The following EFNA5 variants were observed in gnomAD, a reference collection of about 807,000 sequenced individuals.
EFNA5 encodes the protein ephrin-A5.
EFNA5 carries 5 observed loss-of-function variants against 22.9 expected under a neutral mutation model. The ratio of observed to expected loss-of-function variants is 0.22; its 90% CI spans 0.11 to 0.46. The LOEUF (loss-of-function observed/expected upper bound fraction) is 0.46. EFNA5 is among the 20% of genes least tolerant of loss of function. The pLI is 0.99. For synonymous variants in EFNA5, 113 were observed against 112.2 expected, an observed-to-expected ratio of 1.01 and a Z score of -0.04; for missense variants, 237 against 293.3, an observed-to-expected ratio of 0.81 and a Z score of 1.40.
At chr5:107,433,725 T>A in intron 1 of EFNA5, among the ~76,000 whole-genome samples, 1 of 151,938 alleles carries the variant, frequency 6.6e-6, no homozygotes, top group East Asian at 1.9e-4. Flanking sequence ...TGAGACTCCA[T>A]CTCTATAAAA....
At chr5:107,519,399 A>G (rs1302653724) in intron 1 of EFNA5, among the ~76,000 whole-genome samples, 1 of 152,262 alleles carries the variant, frequency 6.6e-6, no homozygotes, top group Non-Finnish European at 1.5e-5. Flanking sequence ...AGGCAAAGGA[A>G]TAAAAACAAT....
At chr5:107,390,049 A>G (rs1404185025) in intron 2 of EFNA5, among the ~76,000 whole-genome samples, 2 of 152,212 alleles carry the variant, frequency 1.3e-5, no homozygotes, top group African/African-American at 4.8e-5. Flanking sequence ...CTCGATCATC[A>G]CTGCATCACT....
intron 1 of EFNA5, among the ~76,000 whole-genome samples, chr5:107,502,712 C>A (rs1018962930): frequency 3.3e-5 from 5 of 152,154 alleles, no homozygotes; most frequent in African/African-American, 1.2e-4. Flanking sequence ...CCAGTAGAAG[C>A]ACTTGATAAA....
At chr5:107,384,904 G>A (rs1747571506) in intron 4 of EFNA5, among the ~76,000 whole-genome samples, 1 of 150,292 alleles carries the variant, frequency 6.7e-6, no homozygotes, top group African/African-American at 2.5e-5. Flanking sequence ...GTGAGGCACA[G>A]TGCCTCACAC....
At chr5:107,421,865 C>G (rs900933891) in intron 2 of EFNA5, among the ~76,000 whole-genome samples, 3 of 151,558 alleles carry the variant, frequency 2.0e-5, no homozygotes, top group African/African-American at 7.3e-5. Context: ...GATCCCAGCT[C>G]ACTGCAACCT....
intron 1 of EFNA5, among the ~76,000 whole-genome samples, chr5:107,438,952 T>C (rs140948802): frequency 6.6e-5 from 10 of 152,338 alleles, no homozygotes; most frequent in East Asian, 1.9e-4. Flanking sequence ...GGAGGAAGCA[T>C]AGAGCATCAG....
intron 1 of EFNA5, among the ~76,000 whole-genome samples, chr5:107,592,021 ATATATATTATATAT>A (rs1261583318): frequency 2.0e-5 from 1 of 50,654 alleles, no homozygotes; most frequent in South Asian, 3.6e-4. Flanking sequence ...ATATAATATA[ATATATATTATATAT>A]TATATATATT....
In EFNA5 at chr5:107,527,356, G is replaced by A. The variant is rs533132168; in HGVS notation, c.126-99847C>T. 3.1e-4 allele frequency among the ~76,000 whole-genome samples: 47 copies of A among 149,828 alleles called. 1 individual carries two copies. In the South Asian group the frequency reaches 8.8e-3, roughly 28 times the overall value. ...AGCTGGAATACAGTGGCGCAATCTC[G>A]GCTCACTGCAACATCTGCCTCCCAG... On this transcript the variant is annotated intron_variant, in intron 1 of 4. Transcript: ENST00000333274.
At chr5:107,479,184 G>A (rs1028243229) in intron 1 of EFNA5, among the ~76,000 whole-genome samples, 1 of 152,122 alleles carries the variant, frequency 6.6e-6, no homozygotes, top group Non-Finnish European at 1.5e-5. Flanking sequence ...ATGGGTATTC[G>A]TGTTTAAACA....
chr5:107,511,812 C>A (rs1187199068), intron 1 of EFNA5, among the ~76,000 whole-genome samples: 1 of 125,040 alleles, frequency 8.0e-6, no homozygotes, highest in Non-Finnish European at 1.7e-5. Flanking sequence ...TAAAAAAAAC[C>A]TGACTAATAA....
At chr5:107,544,458 C>G (rs1207386961) in intron 1 of EFNA5, among the ~76,000 whole-genome samples, 1 of 152,128 alleles carries the variant, frequency 6.6e-6, no homozygotes, top group African/African-American at 2.4e-5. Context: ...GCAAGGGCTT[C>G]TTACAGACCA....
At chr5:107,455,400 T>C (rs981696856) in intron 1 of EFNA5, among the ~76,000 whole-genome samples, 1 of 152,164 alleles carries the variant, frequency 6.6e-6, no homozygotes, top group Non-Finnish European at 1.5e-5. Flanking sequence ...CAACAGTCTA[T>C]TAGTGAGATA....
chr5:107,403,802 T>C (rs888885491), intron 2 of EFNA5, among the ~76,000 whole-genome samples: 4 of 152,190 alleles, frequency 2.6e-5, no homozygotes, highest in African/African-American at 9.7e-5. Flanking sequence ...ATAGAAGTCA[T>C]TTGCATCTGT....
chr5:107,453,897 A>C (rs1749623232), intron 1 of EFNA5, among the ~76,000 whole-genome samples: 1 of 152,110 alleles, frequency 6.6e-6, no homozygotes, highest in Admixed American at 6.6e-5. Flanking sequence ...TTAGAAGAAT[A>C]ATCAGCTCTC....
intron 1 of EFNA5, among the ~76,000 whole-genome samples, chr5:107,613,096 AT>A (rs1418854300): frequency 1.3e-5 from 2 of 152,022 alleles, no homozygotes; most frequent in African/African-American, 4.8e-5. Flanking sequence ...TTCTTTCGCA[AT>A]AAAAAAAAAA....
chr5:107,589,529 T>C (rs1749273315), intron 1 of EFNA5, among the ~76,000 whole-genome samples: 1 of 152,158 alleles, frequency 6.6e-6, no homozygotes, highest in African/African-American at 2.4e-5. Context: ...ATAGTTAGCA[T>C]TTAAAAACTG....
intron 1 of EFNA5, among the ~76,000 whole-genome samples, chr5:107,442,070 C>T (rs1749270071): frequency 6.6e-6 from 1 of 152,130 alleles, no homozygotes; most frequent in Non-Finnish European, 1.5e-5. Context: ...GTATTCTAGA[C>T]CAATAACCTG....
chr5:107,533,905 C>T (rs560070407), intron 1 of EFNA5, among the ~76,000 whole-genome samples: 7 of 152,296 alleles, frequency 4.6e-5, no homozygotes, highest in Admixed American at 4.6e-4. Flanking sequence ...ATGACTGGAA[C>T]TGCCGTGAGA....
At chr5:107,398,928 T>C (rs1663206451) in intron 2 of EFNA5, among the ~76,000 whole-genome samples, 1 of 150,874 alleles carries the variant, frequency 6.6e-6, no homozygotes, top group Non-Finnish European at 1.5e-5. Context: ...AAATTTAGGA[T>C]TAGGACACAA....
Sources: gnomAD v4.1 joint callset for allele counts (sites outside exome capture counted in the v4.1 genomes callset) on GRCh38, gnomAD v4.1.1 for gene constraint, MANE v1.5 for transcripts, NCBI Gene and HGNC (gene_info 2026-07-23, HGNC 2026-07-21) for gene names.